The following SCN1A variants were observed in gnomAD, a reference collection of about 807,000 sequenced individuals.
SCN1A encodes the protein sodium voltage-gated channel alpha subunit 1, also known as sodium channel protein type 1 subunit alpha.
In SCN1A, 13 loss-of-function variants were observed where a neutral mutation model predicts 193.7. The ratio of observed to expected loss-of-function variants is 0.07; its 90% CI spans 0.04 to 0.11. The LOEUF is 0.11. Among genes scored for constraint, SCN1A ranks in the 10% least tolerant of loss-of-function variants. The pLI, the probability that SCN1A is intolerant of heterozygous loss-of-function variation, is 1.00. For missense variants in SCN1A, 1,432 were observed against 2,451.1 expected (o/e 0.58, Z 8.78); for synonymous variants, 781 against 843.6 (o/e 0.93, Z 1.29).
At chr2:166,010,446 A>G (rs971498562) in intron 22 of SCN1A, among the ~76,000 whole-genome samples, 1 of 151,244 alleles carries the variant, frequency 6.6e-6, no homozygotes, top group Non-Finnish European at 1.5e-5. Context: ...TTTTATACTA[A>G]TTTATGGCTT....
At chr2:166,082,985 G>A (rs760746238) in intron 2 of SCN1A, among the ~76,000 whole-genome samples, 7 of 152,000 alleles carry the variant, frequency 4.6e-5, no homozygotes, top group Admixed American at 6.6e-5. Context: ...GTTTCAGTTC[G>A]TTTTGTAGTG....
chr2:166,063,656 T>C (rs1574325298), intron 4 of SCN1A, among the ~76,000 whole-genome samples: 1 of 152,056 alleles, frequency 6.6e-6, no homozygotes, highest in East Asian at 1.9e-4. Context: ...AGAAATATAA[T>C]GTAAGCTACA....
intron 13 of SCN1A, 69 bp downstream of exon 13, chr2:166,044,974 T>C: frequency 6.5e-7 from 1 of 1,541,154 alleles, no homozygotes; most frequent in Non-Finnish European, 9.0e-7. Context: ...GAGTCCATTT[T>C]CTAATTCTCC....
At chr2:166,125,236 T>A (rs551409018) in intron 2 of SCN1A, among the ~76,000 whole-genome samples, 1 of 152,332 alleles carries the variant, frequency 6.6e-6, no homozygotes, top group Admixed American at 6.5e-5. Flanking sequence ...GGACCTTCAA[T>A]TGCTGATTCT....
At chr2:166,069,524 C>T (rs1230349547) in intron 4 of SCN1A, among the ~76,000 whole-genome samples, 1 of 152,158 alleles carries the variant, frequency 6.6e-6, no homozygotes, top group African/African-American at 2.4e-5. Flanking sequence ...TTAATAAGCT[C>T]ACTGACACTG....
chr2:165,998,140 G>A lies in SCN1A; in HGVS notation c.4374C>T (p.Tyr1458=), dbSNP rs1047955739. The change falls in exon 26 of 29, where the codon TAC becomes TAT. Residue 1458 remains tyrosine (Y), a synonymous_variant. Coordinates refer to ENST00000674923, the MANE Select transcript of SCN1A (RefSeq NM_001165963.4). ...TGAAAATAACAAAGTAAAGATACAT[G>A]TACAGACTTTCTTCATACTTAGGCT... The part of the protein sequence containing the change: ...ELQPKYEESL[Y]MYLYFVIFII... 1 of 1,605,278 alleles carries A rather than the reference G, an allele frequency of 6.2e-7. No individual in the cohort carries two copies. Among genetic ancestry groups the A allele is most frequent in the East Asian group, 2.2e-5 (1 of 44,554 alleles).
At chr2:166,114,606 A>T (rs1206277932) in intron 2 of SCN1A, among the ~76,000 whole-genome samples, 1 of 152,198 alleles carries the variant, frequency 6.6e-6, no homozygotes, top group Non-Finnish European at 1.5e-5. Context: ...TCTTTTGGCT[A>T]TTAATAAAAA....
In SCN1A at chr2:166,123,719, A is replaced by T. The variant is rs555434771; in HGVS notation, c.-142+3205T>A. 3.3e-5 allele frequency: 5 copies of T among 152,248 alleles called. No individual in the cohort carries two copies. The East Asian group carries it at 9.6e-4, about 29-fold the overall frequency. The allele number at this position is 152,248 out of a possible 1,614,324, so 9.4% of individuals were successfully genotyped here. On this transcript the variant is annotated intron_variant, in intron 2 of 28. Transcript: ENST00000674923. Reference sequence around the variant, plus strand: ...AAAATGACTGATTTATGTTTTTTTTAAACCTAATAACTTGTTAACATTGAA... The same window carrying T: ...AAAATGACTGATTTATGTTTTTTTTTAACCTAATAACTTGTTAACATTGAA...
chr2:166,124,071 T>G (rs1364952974), intron 2 of SCN1A, among the ~76,000 whole-genome samples: 1 of 152,192 alleles, frequency 6.6e-6, no homozygotes, highest in Non-Finnish European at 1.5e-5. Flanking sequence ...TCTTGCAGTA[T>G]TTTTCTTCAA....
intron 19 of SCN1A, among the ~76,000 whole-genome samples, chr2:166,016,929 G>C (rs1161564617): frequency 2.0e-5 from 3 of 151,090 alleles, no homozygotes; most frequent in Non-Finnish European, 1.5e-5. Flanking sequence ...ATACATAGGA[G>C]AGTGTTGATA....
intron 2 of SCN1A, among the ~76,000 whole-genome samples, chr2:166,113,068 G>A (rs1316243786): frequency 1.3e-5 from 2 of 152,132 alleles, no homozygotes; most frequent in African/African-American, 2.4e-5. Context: ...CCAGAGGCCT[G>A]GGTCTTGCAA....
Position 165,990,886 on chromosome 2 carries a change from T to C in SCN1A, c.*359A>G. 1 of 211,892 alleles carries C rather than the reference T, an allele frequency of 4.7e-6. No homozygotes were observed. The highest frequency in any genetic ancestry group is 9.6e-6 in the Non-Finnish European group (1 of 104,692). 13.1% of individuals were successfully genotyped at this position (211,892 alleles called of 1,614,324 possible). A position where few individuals can be genotyped will look rare whatever the true frequency, so the allele number is the denominator to read the frequency against. ...AATGTGACAAATGTGGCAGTTGAAA[T>C]GCAAACAGTGGATACAATTACTACA... is the stretch of plus-strand genomic sequence containing the variant. On this transcript the variant is annotated 3_prime_UTR_variant, in exon 29 of 29. Coordinates refer to ENST00000674923, the MANE Select transcript of SCN1A (RefSeq NM_001165963.4).
intron 1 of SCN1A, among the ~76,000 whole-genome samples, chr2:166,147,997 A>G (rs190707789): frequency 1.8e-4 from 27 of 152,336 alleles, no homozygotes; most frequent in Admixed American, 5.9e-4. Flanking sequence ...GAGAGACACC[A>G]AAACAAATGA....
chr2:166,038,187 A>G (rs933854760), intron 17 of SCN1A, 55 bp from the exon 18 acceptor site: 70 of 1,320,184 alleles, frequency 5.3e-5, no homozygotes, highest in Non-Finnish European at 6.5e-5. Flanking sequence ...CATTATATAT[A>G]TTGAGCTTTA....
chr2:166,039,704 T>C (rs1696904861), intron 16 of SCN1A, 108 bp from the exon 17 acceptor site: 1 of 970,704 alleles, frequency 1.0e-6, no homozygotes, highest in Non-Finnish European at 1.6e-6. Context: ...ATGATTCTAT[T>C]ACTAACTTAA....
At chr2:166,143,737 G>A (rs78820692) in intron 1 of SCN1A, among the ~76,000 whole-genome samples, 1 of 152,124 alleles carries the variant, frequency 6.6e-6, no homozygotes, top group African/African-American at 2.4e-5. Flanking sequence ...AGTTGACAAA[G>A]AATTTACCTT....
At chr2:166,042,242 A>G (rs1697270521) in intron 15 of SCN1A, 50 bp downstream of exon 15, 2 of 1,573,452 alleles carry the variant, frequency 1.3e-6, no homozygotes, top group Non-Finnish European at 1.7e-6. Flanking sequence ...AAATGAGACA[A>G]TATAAGTTTG....
chr2:166,099,966 C>T (rs1467285361), intron 2 of SCN1A, among the ~76,000 whole-genome samples: 2 of 108,532 alleles, frequency 1.8e-5, no homozygotes, highest in Admixed American at 1.0e-4. Context: ...CAATGCCATC[C>T]CCATCAAGCT....
intron 18 of SCN1A, among the ~76,000 whole-genome samples, chr2:166,037,168 T>G (rs10197430): frequency 0.26 from 39,733 of 152,070 alleles, 5,883 homozygotes; most frequent in Non-Finnish European, 0.34. Context: ...TTAAGAGAGA[T>G]AAAGATTGAT....
Sources: allele counts gnomAD v4.1 joint callset (sites outside exome capture counted in the v4.1 genomes callset), GRCh38; gene constraint gnomAD v4.1.1; transcripts MANE v1.5; gene names NCBI Gene and HGNC (gene_info 2026-07-23, HGNC 2026-07-21).